Variants in INPP5A observed in about 807,000 individuals in gnomAD.
INPP5A encodes the protein inositol polyphosphate-5-phosphatase A.
INPP5A carries 14 observed loss-of-function variants against 65.2 expected under a neutral mutation model. The observed-to-expected ratio is 0.21, with a 90% CI of 0.14 to 0.34. The LOEUF (loss-of-function observed/expected upper bound fraction) is 0.34. INPP5A is among the 10% of genes least tolerant of loss of function. The pLI, the probability that INPP5A is intolerant of heterozygous loss-of-function variation, is 1.00. For missense variants in INPP5A, 431 were observed against 545.6 expected, an observed-to-expected ratio of 0.79 and a Z score of 2.09; for synonymous variants, 207 against 208.3, an observed-to-expected ratio of 0.99 and a Z score of 0.05.
chr10:132,762,057 A>G lies in INPP5A; in HGVS notation c.904-3716A>G, dbSNP rs1846743838. On this transcript the variant is annotated intron_variant, in intron 11 of 15. Coordinates refer to ENST00000368594, the MANE Select transcript of INPP5A (RefSeq NM_005539.5). The surrounding 1 kb of genome is among the most constrained non-coding windows in gnomAD (Gnocchi z 4.6). ...CGGAGTAGACACAGCTGGAGAAGGG[A>G]TTGAGGAATGGGATGGCAGGCCTGG... is the stretch of plus-strand genomic sequence containing the variant. 6.6e-6 allele frequency among the ~76,000 whole-genome samples: 1 copy of G among 152,136 alleles called. No individual in the cohort carries two copies. The highest frequency in any genetic ancestry group is 2.4e-5 in the African/African-American group (1 of 41,396).
At chr10:132,773,027 T>C (rs1846984477) in intron 12 of INPP5A, among the ~76,000 whole-genome samples, 1 of 152,214 alleles carries the variant, frequency 6.6e-6, no homozygotes, top group African/African-American at 2.4e-5. Flanking sequence ...GCCCTGGGAC[T>C]CCACAGGGTG....
In INPP5A at chr10:132,723,419, G is replaced by A. The variant is rs113070544; in HGVS notation, c.648-3402G>A. On this transcript the variant is annotated intron_variant, in intron 8 of 15. Coordinates refer to ENST00000368594, the MANE Select transcript of INPP5A (RefSeq NM_005539.5). ...CGGCCGCGTCTGTTCCTGCGACACCGCACACAGATGCTTGGCCATGTGGGG... is the reference window on the plus strand; with the variant it reads ...CGGCCGCGTCTGTTCCTGCGACACCACACACAGATGCTTGGCCATGTGGGG... 5.6e-3 allele frequency among the ~76,000 whole-genome samples: 858 copies of A among 152,262 alleles called. 12 individuals are homozygous for A. Among genetic ancestry groups the A allele is most frequent in the African/African-American group, 0.019 (801 of 41,504 alleles).
intron 5 of INPP5A, 35 bp downstream of exon 5, chr10:132,690,490 C>G (rs376678391): frequency 2.0e-6 from 3 of 1,488,960 alleles, no homozygotes; most frequent in African/African-American, 1.4e-5. Context: ...GATTTTGTCT[C>G]GGCACTCACC....
At chr10:132,599,003 T>C (rs1189098522) in intron 1 of INPP5A, among the ~76,000 whole-genome samples, 1 of 152,082 alleles carries the variant, frequency 6.6e-6, no homozygotes, top group East Asian at 1.9e-4. Context: ...CCATAACAGG[T>C]GGGAATTCTG....
intron 2 of INPP5A, among the ~76,000 whole-genome samples, chr10:132,640,580 C>G (rs2072413791): frequency 6.6e-6 from 1 of 152,244 alleles, no homozygotes; most frequent in Admixed American, 6.5e-5. Flanking sequence ...GCTCTGACTC[C>G]CGGCGCTGCC....
At chr10:132,715,642 C>T (rs984414444) in intron 8 of INPP5A, among the ~76,000 whole-genome samples, 5 of 152,254 alleles carry the variant, frequency 3.3e-5, no homozygotes, top group African/African-American at 1.2e-4. Context: ...CCAGAACTTG[C>T]CTTGCTGTGC....
At chr10:132,682,352 G>T (rs1014123635) in intron 4 of INPP5A, among the ~76,000 whole-genome samples, 15 of 152,208 alleles carry the variant, frequency 9.9e-5, no homozygotes, top group African/African-American at 3.4e-4. Context: ...CGGACTGCGT[G>T]CCACTGACCT....
intron 2 of INPP5A, among the ~76,000 whole-genome samples, chr10:132,613,759 G>T (rs1368841526): frequency 6.6e-6 from 1 of 152,218 alleles, no homozygotes; most frequent in East Asian, 1.9e-4. Flanking sequence ...GGCAGTGAGT[G>T]GGCCTCGCCA....
intron 11 of INPP5A, among the ~76,000 whole-genome samples, chr10:132,760,412 G>C (rs1321207819): frequency 6.6e-6 from 1 of 152,270 alleles, no homozygotes; most frequent in African/African-American, 2.4e-5. Flanking sequence ...CTCCATGAGA[G>C]CTGTGGGCCC....
intron 12 of INPP5A, among the ~76,000 whole-genome samples, chr10:132,770,543 C>T (rs1846930868): frequency 6.6e-6 from 1 of 152,192 alleles, no homozygotes; most frequent in South Asian, 2.1e-4. Context: ...CCACATGCCA[C>T]CATCGAAATG....
intron 1 of INPP5A, among the ~76,000 whole-genome samples, chr10:132,573,341 T>G (rs1467725750): frequency 2.2e-5 from 3 of 138,558 alleles, no homozygotes; most frequent in Admixed American, 1.4e-4. Context: ...GTGTGCTGTG[T>G]GAGGTTTTGT....
intron 5 of INPP5A, among the ~76,000 whole-genome samples, chr10:132,696,106 A>G (rs1845339763): frequency 1.3e-5 from 2 of 152,216 alleles, no homozygotes; most frequent in Non-Finnish European, 2.9e-5. Context: ...GAGGAACCTC[A>G]TCTCCTAGCA....
In INPP5A at chr10:132,651,865, C is replaced by T. The variant is rs758791944; in HGVS notation, c.306+1360C>T. ...TGTACAATCCCGGGAATCCCCCGTT[C>T]GGTCTCCGACCCTCGCCCTGTCAAG... On this transcript the variant is annotated intron_variant, in intron 4 of 15. Transcript: ENST00000368594. This position sits in a 1 kb window ranked among gnomAD's most constrained non-coding sequence, Gnocchi z 5.0. Among the ~76,000 whole-genome samples the T allele has an allele frequency of 2.0e-5, 3 of 152,342 alleles. No individual in the cohort carries two copies. Among genetic ancestry groups the T allele is most frequent in the South Asian group, 4.1e-4 (2 of 4,832 alleles).
At chr10:132,677,708 G>A (rs1373981478) in intron 4 of INPP5A, among the ~76,000 whole-genome samples, 1 of 152,226 alleles carries the variant, frequency 6.6e-6, no homozygotes, top group African/African-American at 2.4e-5. Context: ...CAGCGAGGGC[G>A]ATTAAGCGGC....
intron 1 of INPP5A, among the ~76,000 whole-genome samples, chr10:132,561,738 A>ACC (rs1433709606): frequency 3.3e-5 from 5 of 151,558 alleles, no homozygotes; most frequent in African/African-American, 1.2e-4. Flanking sequence ...ACACACACAC[A>ACC]CACACACACA....
rs1008624465 is a variant in INPP5A at position 132,545,903 on chromosome 10, C to T, written c.75+7732C>T. Among the ~76,000 whole-genome samples the T allele has an allele frequency of 2.6e-5, 4 of 152,238 alleles. No individual in the cohort carries two copies. The highest frequency in any genetic ancestry group is 2.1e-4 in the South Asian group (1 of 4,836). On this transcript the variant is annotated intron_variant, in intron 1 of 15. Coordinates refer to ENST00000368594, the MANE Select transcript of INPP5A (RefSeq NM_005539.5). This position sits in a 1 kb window ranked among gnomAD's most constrained non-coding sequence, Gnocchi z 4.6. ...CTCAATCGTGGTTGCTGCCTCCGCT[C>T]GGCCTGAGGTGATGAGAGTGTGGAT...
Position 132,746,674 on chromosome 10 carries a change from G to A in INPP5A, c.733-2843G>A, listed in dbSNP as rs190012124. 1.8e-3 allele frequency among the ~76,000 whole-genome samples: 280 copies of A among 152,242 alleles called. 3 individuals carry two copies. The highest frequency in any genetic ancestry group is 5.9e-3 in the African/African-American group (246 of 41,536). ...GTTAAATTCTAAGTGTGGATAAGAC[G>A]GCACACCGGACCACTCTTTCCAGAG... On this transcript the variant is annotated intron_variant, in intron 9 of 15. Coordinates refer to ENST00000368594, the MANE Select transcript of INPP5A (RefSeq NM_005539.5).
chr10:132,651,434 G>A lies in INPP5A; in HGVS notation c.306+929G>A, dbSNP rs866855898. ...CCCCCGGCCTGGGTCCATCTCCCCC[G>A]TCTCTGGGGAGGCCCTGGGTCCCCC... On this transcript the variant is annotated intron_variant, in intron 4 of 15. Transcript: ENST00000368594. The surrounding 1 kb of genome is among the most constrained non-coding windows in gnomAD (Gnocchi z 5.0). Among the ~76,000 whole-genome samples, 61 of 136,390 alleles carry A rather than the reference G, an allele frequency of 4.5e-4. 1 individual carries two copies. Among genetic ancestry groups the A allele is most frequent in the Admixed American group, 2.9e-3 (41 of 14,060 alleles). 89.5% of individuals were successfully genotyped at this position (136,390 alleles called of 152,430 possible).
At chr10:132,684,645 G>A (rs1175732462) in intron 4 of INPP5A, among the ~76,000 whole-genome samples, 1 of 152,234 alleles carries the variant, frequency 6.6e-6, no homozygotes, top group Non-Finnish European at 1.5e-5. Flanking sequence ...TACAAGGGCA[G>A]AGGAAATGTC....
Sources: allele counts gnomAD v4.1 joint callset (sites outside exome capture counted in the v4.1 genomes callset), GRCh38; gene constraint gnomAD v4.1.1; non-coding constraint Gnocchi (gnomAD v3.1); transcripts MANE v1.5; gene names NCBI Gene and HGNC (gene_info 2026-07-23, HGNC 2026-07-21).